The following PSMB4 variants were observed in gnomAD, a reference collection of about 807,000 sequenced individuals.
PSMB4 encodes the protein proteasome subunit beta type-4.
PSMB4 carries 16 observed loss-of-function variants against 35.2 expected under a neutral mutation model. The ratio of observed to expected loss-of-function variants is 0.45; its 90% CI spans 0.31 to 0.69. PSMB4 has a LOEUF of 0.69. Among genes scored for constraint, PSMB4 ranks in the 30% least tolerant of loss-of-function variants. The pLI is 0.06. For synonymous variants in PSMB4, 144 were observed against 134.1 expected, an observed-to-expected ratio of 1.07 and a Z score of -0.51; for missense variants, 333 against 351.8, an observed-to-expected ratio of 0.95 and a Z score of 0.43.
At position 151,401,630 on chromosome 1, in the gene PSMB4, G is replaced by C. The variant is rs752746186; in HGVS notation, c.782G>C (p.Ser261Thr). The change falls in exon 6 of 7, where the codon AGT becomes ACT. Residue 261 changes from serine (S) to threonine (T), a missense_variant and splice_region_variant. Coordinates refer to ENST00000290541, the MANE Select transcript of PSMB4 (RefSeq NM_002796.3). ...ETNWDIAHMI[S>T]GFE is the part of the protein sequence containing the mutation. ...AACTGGGATATTGCCCACATGATCA[G>C]GTGAGTAATAGGGAAAAAATTGGTG... 2.5e-6 allele frequency: 4 copies of C among 1,601,428 alleles called. No homozygotes were observed. The highest frequency in any genetic ancestry group is 3.4e-6 in the Non-Finnish European group (4 of 1,168,588).
Position 151,400,152 on chromosome 1 carries a change from T to C in PSMB4, c.312T>C (p.Asp104=). The C allele has an allele frequency of 3.1e-6, 5 of 1,614,072 alleles. No individual in the cohort carries two copies. The highest frequency in any genetic ancestry group is 1.3e-5 in the African/African-American group (1 of 75,008). The stretch of plus-strand genomic sequence containing the variant: ...TGGGTGCCTCTGGCGACTACGCTGA[T>C]TTCCAGTATTTGAAGCAAGTTCTCG... ...TMLGASGDYA[D]FQYLKQVLGQ... Residue 104 remains aspartate, a synonymous_variant, in exon 2 of 7, where the codon GAT becomes GAC. Coordinates refer to ENST00000290541, the MANE Select transcript of PSMB4 (RefSeq NM_002796.3).
Position 151,400,015 on chromosome 1 carries a change from G to C in PSMB4, c.175G>C (p.Val59Leu), listed in dbSNP as rs1020706621. 6.2e-7 allele frequency: 1 copy of C among 1,613,976 alleles called. No individual in the cohort carries two copies. The highest frequency in any genetic ancestry group is 1.3e-5 in the African/African-American group (1 of 74,930). The change falls in exon 2 of 7, where the codon GTT becomes CTT. Residue 59 changes from valine (V) to leucine (L), a missense_variant. Physicochemically the swap from Val to Leu is conservative, Grantham distance 32 (BLOSUM62 1). Transcript: ENST00000290541. ...GGTGACCGGGACCTCAGTCCTCGGC[G>C]TTAAGTTCGAGGGCGGAGTGGTGAT... is the stretch of plus-strand genomic sequence containing the variant. ...PMVTGTSVLG[V>L]KFEGGVVIAA...
In PSMB4 at chr1:151,400,779, G is replaced by A; in HGVS notation, c.510G>A (p.Val170=). Residue 170 remains valine, a synonymous_variant, in exon 4 of 7, where the codon GTG becomes GTA. Coordinates refer to ENST00000290541, the MANE Select transcript of PSMB4 (RefSeq NM_002796.3). ...YADGESFLGY[V]DMLGVAYEAP... is the part of the protein sequence containing the mutation. The stretch of plus-strand genomic sequence containing the variant: ...GTCCTGTTAGCTTCCTCGGTTATGT[G>A]GACATGCTTGGTGTAGCCTATGAAG... 1 of 1,614,138 alleles carries A rather than the reference G, an allele frequency of 6.2e-7. No individual in the cohort carries two copies. Among genetic ancestry groups the A allele is most frequent in the Non-Finnish European group, 8.5e-7 (1 of 1,180,018 alleles).
rs1652788266 is a variant in PSMB4 at position 151,400,767 on chromosome 1, C to T, written c.498C>T (p.Phe166=). 1.2e-6 allele frequency: 2 copies of T among 1,614,042 alleles called. No individual in the cohort carries two copies. Among genetic ancestry groups the T allele is most frequent in the Admixed American group, 1.7e-5 (1 of 60,002 alleles). Residue 166 remains phenylalanine, a synonymous_variant, in exon 4 of 7, where the codon TTC becomes TTT. Transcript: ENST00000290541. ...VIGGYADGES[F]LGYVDMLGVA... is the part of the protein sequence containing the mutation. Reference sequence around the variant, plus strand: ...TTGACCCATTGTGTCCTGTTAGCTTCCTCGGTTATGTGGACATGCTTGGTG... The same window carrying T: ...TTGACCCATTGTGTCCTGTTAGCTTTCTCGGTTATGTGGACATGCTTGGTG...
At chr1:151,401,168 C>T (rs1652811196) in intron 4 of PSMB4, 71 bp from the exon 5 acceptor site, 2 of 1,219,708 alleles carry the variant, frequency 1.6e-6, no homozygotes, top group Admixed American at 1.7e-5. Context: ...GCTTTTTATA[C>T]CATAGATTTG....
At chr1:151,401,451 C>T (rs2102123348) in intron 5 of PSMB4, 91 bp from the exon 6 acceptor site, 5 of 1,519,698 alleles carry the variant, frequency 3.3e-6, no homozygotes, top group Non-Finnish European at 3.7e-6. Flanking sequence ...ACTTGTGTGA[C>T]TCCTATTTTC....
chr1:151,401,122 T>C, intron 4 of PSMB4, 117 bp from the exon 5 acceptor site: 1 of 941,202 alleles, frequency 1.1e-6, no homozygotes, highest in South Asian at 1.4e-5. Context: ...TTCATTCTGG[T>C]GAGGCAAGAA....
chr1:151,401,421 T>G (rs1652829702), intron 5 of PSMB4, 66 bp downstream of exon 5: 2 of 1,552,960 alleles, frequency 1.3e-6, no homozygotes, highest in Non-Finnish European at 1.8e-6. Flanking sequence ...GTCTCTATGC[T>G]TTGAAGAACA....
Position 151,401,875 on chromosome 1 carries a change from T to A in PSMB4, c.*46T>A, listed in dbSNP as rs1314789575. 1.3e-6 allele frequency: 2 copies of A among 1,558,730 alleles called. No homozygotes were observed. The highest frequency in any genetic ancestry group is 1.4e-5 in the African/African-American group (1 of 73,652). The stretch of plus-strand genomic sequence containing the variant: ...AACTGAAGTTGCCCTACTTTTAACT[T>A]TGAACTTGGCTAGTTCAAAGATAGA... On this transcript the variant is annotated 3_prime_UTR_variant, in exon 7 of 7. Transcript: ENST00000290541.
In PSMB4 at chr1:151,401,883, G is replaced by C. The variant is rs755452350; in HGVS notation, c.*54G>C. The stretch of plus-strand genomic sequence containing the variant: ...TTGCCCTACTTTTAACTTTGAACTT[G>C]GCTAGTTCAAAGATAGACTCTTCTT... On this transcript the variant is annotated 3_prime_UTR_variant, in exon 7 of 7. Coordinates refer to ENST00000290541, the MANE Select transcript of PSMB4 (RefSeq NM_002796.3). 68 of 1,532,276 alleles carry C rather than the reference G, an allele frequency of 4.4e-5. No homozygotes were observed. The highest frequency in any genetic ancestry group is 5.8e-5 in the Non-Finnish European group (64 of 1,107,696). 94.9% of individuals were successfully genotyped at this position (1,532,276 alleles called of 1,614,324 possible). A position where few individuals can be genotyped will look rare whatever the true frequency, so the allele number is the denominator to read the frequency against.
rs1341248829 is a variant in PSMB4 at position 151,401,350 on chromosome 1, A to G, written c.688A>G (p.Asn230Asp). The G allele has an allele frequency of 1.1e-5, 18 of 1,613,852 alleles. No homozygotes were observed. Among genetic ancestry groups the G allele is most frequent in the Non-Finnish European group, 1.4e-5 (17 of 1,179,964 alleles). The change falls in exon 5 of 7, where the codon AAC becomes GAC. Residue 230 changes from asparagine to aspartate, a missense_variant. By Grantham distance (23) the Asn-to-Asp change is conservative. Transcript: ENST00000290541. ...VLYYRDARSY[N>D]RFQIATVTEK... ...GTACTACCGAGATGCCCGTTCTTAC[A>G]ACCGGGTGAGGGATGTGCTGGGAAC...
chr1:151,399,596 G>A lies in PSMB4; in HGVS notation c.9G>A (p.Ala3=), dbSNP rs1228096967. 3.7e-6 allele frequency: 6 copies of A among 1,611,324 alleles called. No individual in the cohort carries two copies. Among genetic ancestry groups the A allele is most frequent in the South Asian group, 1.1e-5 (1 of 90,858 alleles). Reference sequence around the variant, plus strand: ...CTGCTACCGTGACTAAGATGGAAGCGTTTTTGGGGTCGCGGTCCGGACTTT... The same window carrying A: ...CTGCTACCGTGACTAAGATGGAAGCATTTTTGGGGTCGCGGTCCGGACTTT... The part of the protein sequence containing the change: ME[A]FLGSRSGLWA... The change falls in exon 1 of 7, where the codon GCG becomes GCA. Residue 3 remains alanine, a synonymous_variant. Transcript: ENST00000290541.
At chr1:151,400,637 C>G (rs1557854610) in intron 3 of PSMB4, 49 bp downstream of exon 3, 3 of 1,613,012 alleles carry the variant, frequency 1.9e-6, no homozygotes, top group Non-Finnish European at 2.5e-6. Context: ...CAACCTAGTA[C>G]CTGTGTAGTA....
In PSMB4 at chr1:151,401,932, A is replaced by G. The variant is rs1652862634; in HGVS notation, c.*103A>G. On this transcript the variant is annotated 3_prime_UTR_variant, in exon 7 of 7. Coordinates refer to ENST00000290541, the MANE Select transcript of PSMB4 (RefSeq NM_002796.3). Reference sequence around the variant, plus strand: ...TTTTGTAAAGTAAATAAATTCTTCAAAATGCTTGCTGAGTGGTTTTTGTCT... The same window carrying G: ...TTTTGTAAAGTAAATAAATTCTTCAGAATGCTTGCTGAGTGGTTTTTGTCT... 6.3e-6 allele frequency: 8 copies of G among 1,277,058 alleles called. No individual in the cohort carries two copies. The highest frequency in any genetic ancestry group is 1.5e-5 in the African/African-American group (1 of 67,630). 79.1% of individuals were successfully genotyped at this position (1,277,058 alleles called of 1,614,324 possible).
In PSMB4 at chr1:151,401,620, C is replaced by T. The variant is rs992948004; in HGVS notation, c.772C>T (p.His258Tyr). The T allele has an allele frequency of 2.5e-6, 4 of 1,606,830 alleles. No individual in the cohort carries two copies. In the Admixed American group the frequency reaches 5.0e-5, roughly 20 times the overall value. The change falls in exon 6 of 7, where the codon CAC becomes TAC. Residue 258 changes from histidine to tyrosine, a missense_variant. Physicochemically the swap from His to Tyr is moderately conservative, Grantham distance 83. Transcript: ENST00000290541. ...LSTETNWDIA[H>Y]MISGFE Reference sequence around the variant, plus strand: ...TACAGAGACCAACTGGGATATTGCCCACATGATCAGGTGAGTAATAGGGAA... The same window carrying T: ...TACAGAGACCAACTGGGATATTGCCTACATGATCAGGTGAGTAATAGGGAA...
chr1:151,400,951 G>C (rs7517596), intron 4 of PSMB4, 106 bp downstream of exon 4: 1 of 1,164,880 alleles, frequency 8.6e-7, no homozygotes, highest in Non-Finnish European at 1.3e-6. Context: ...GGCTGGGATC[G>C]CTATTACTGG....
intron 4 of PSMB4, 87 bp downstream of exon 4, chr1:151,400,932 T>C (rs1011886103): frequency 1.0e-5 from 14 of 1,347,602 alleles, no homozygotes; most frequent in Non-Finnish European, 1.5e-5. Flanking sequence ...AATTCTGATA[T>C]GAGGGATGGG....
chr1:151,400,704 C>G, intron 3 of PSMB4, 60 bp from the exon 4 acceptor site: 1 of 1,610,802 alleles, frequency 6.2e-7, no homozygotes, highest in African/African-American at 1.3e-5. Context: ...CCCATGGTCC[C>G]CTTCTTCAGC....
rs546788975 is a variant in PSMB4, at chr1:151,399,969, C to T, written c.141-12C>T. 1.9e-6 allele frequency: 3 copies of T among 1,612,888 alleles called. No individual in the cohort carries two copies. Among genetic ancestry groups the T allele is most frequent in the South Asian group, 2.2e-5 (2 of 91,042 alleles). ...ATCCCCCCTCTCAGCTCCCACCGTT[C>T]TCACTCTTTAGGAACCCCATGGTGA... On this transcript the variant is annotated splice_polypyrimidine_tract_variant and intron_variant, in intron 1 of 6. Transcript: ENST00000290541.
Sources: gnomAD v4.1 joint callset for allele counts on GRCh38, gnomAD v4.1.1 for gene constraint, MANE v1.5 for transcripts, NCBI Gene and HGNC (gene_info 2026-07-23, HGNC 2026-07-21) for gene names.